The following PRKG1 variants were observed in gnomAD, a reference collection of about 807,000 sequenced individuals.
The protein encoded by PRKG1 is cGMP-dependent protein kinase 1.
PRKG1 carries 35 observed loss-of-function variants against 88.1 expected under a neutral mutation model. That is an observed-to-expected ratio of 0.40 (90% CI 0.30 to 0.53). The LOEUF is 0.53. PRKG1 is among the 20% of genes least tolerant of loss of function. The probability of loss-of-function intolerance (pLI) is 0.59; values close to 1 mark genes in which losing one functional copy is unlikely to be tolerated. For missense variants in PRKG1, 540 were observed against 839.8 expected (o/e 0.64, Z 4.41); for synonymous variants, 303 against 292.5 (o/e 1.04, Z -0.37).
At chr10:51,875,073 G>A (rs1455506771) in intron 4 of PRKG1, among the ~76,000 whole-genome samples, 1 of 152,018 alleles carries the variant, frequency 6.6e-6, no homozygotes, top group Non-Finnish European at 1.5e-5. Flanking sequence ...CTTCCACTCT[G>A]TGGAAGCCTG....
In PRKG1 at chr10:52,050,797, G is replaced by T. The variant is rs561364001; in HGVS notation, c.763-3687G>T. 2.6e-5 allele frequency among the ~76,000 whole-genome samples: 4 copies of T among 152,286 alleles called. No homozygotes were observed. The South Asian group carries it at 6.2e-4, about 24-fold the overall frequency. On this transcript the variant is annotated intron_variant, in intron 5 of 17. Transcript: ENST00000373980. ...AAGAAGATGATTAGATAAGTTTCAAGAATTAAATAGACTAGACTATATCTG... is the reference window on the plus strand; with the variant it reads ...AAGAAGATGATTAGATAAGTTTCAATAATTAAATAGACTAGACTATATCTG...
chr10:51,855,947 C>A (rs1840668964), intron 4 of PRKG1, among the ~76,000 whole-genome samples: 1 of 152,096 alleles, frequency 6.6e-6, no homozygotes, highest in Admixed American at 6.5e-5. Context: ...TCATAAAGTG[C>A]TAAAAATAAA....
At chr10:51,895,798 T>G (rs1286656950) in intron 4 of PRKG1, among the ~76,000 whole-genome samples, 2 of 151,972 alleles carry the variant, frequency 1.3e-5, no homozygotes, top group Non-Finnish European at 2.9e-5. Flanking sequence ...TCTAAGAGTG[T>G]CTGGAGTCAA....
chr10:51,865,622 G>C (rs56212834), intron 4 of PRKG1, among the ~76,000 whole-genome samples: 3,561 of 151,982 alleles, frequency 0.023, 135 homozygotes, highest in African/African-American at 0.08. Context: ...TTTCAATTAA[G>C]TCTATACATA....
intron 3 of PRKG1, among the ~76,000 whole-genome samples, chr10:51,742,021 C>T (rs763324128): frequency 1.3e-5 from 2 of 152,170 alleles, no homozygotes; most frequent in African/African-American, 2.4e-5. Context: ...TAGAAGTTTT[C>T]GCTTCTGTCT....
intron 3 of PRKG1, among the ~76,000 whole-genome samples, chr10:51,475,344 TG>T (rs1291154645): frequency 3.3e-5 from 5 of 152,086 alleles, no homozygotes; most frequent in African/African-American, 1.2e-4. Context: ...CTGTGGCCCC[TG>T]CTCTACTGAA....
rs534374553 is a variant in PRKG1 at position 51,862,627 on chromosome 10, T to C, written c.699-44880T>C. Among the ~76,000 whole-genome samples, 7 of 152,130 alleles carry C rather than the reference T, an allele frequency of 4.6e-5. 1 individual carries two copies. In the South Asian group the frequency reaches 1.5e-3, roughly 32 times the overall value. On this transcript the variant is annotated intron_variant, in intron 4 of 17. Coordinates refer to ENST00000373980, the MANE Select transcript of PRKG1 (RefSeq NM_006258.4). ...TGGATGGGCCTGGAAAAAAGCACCA[T>C]TCAATTGGCTAAAAGGCATCGAGAA...
At chr10:51,939,422 C>T (rs74132825) in intron 5 of PRKG1, among the ~76,000 whole-genome samples, 13,745 of 151,792 alleles carry the variant, frequency 0.091, 1,559 homozygotes, top group African/African-American at 0.26. Flanking sequence ...ATAAAATCCA[C>T]AATTGATTAC....
At chr10:51,216,295 A>G (rs1447419943) in intron 2 of PRKG1, among the ~76,000 whole-genome samples, 1 of 152,250 alleles carries the variant, frequency 6.6e-6, no homozygotes, top group Non-Finnish European at 1.5e-5. Flanking sequence ...AGATCTTTAC[A>G]TAAGTTATCT....
chr10:51,267,346 A>G (rs1350643707), intron 2 of PRKG1, among the ~76,000 whole-genome samples: 1 of 152,200 alleles, frequency 6.6e-6, no homozygotes, highest in Middle Eastern at 3.2e-3. Flanking sequence ...TATGCCAATT[A>G]TTATTCTTTG....
chr10:52,013,275 C>G (rs1430635988), intron 5 of PRKG1, among the ~76,000 whole-genome samples: 2 of 152,078 alleles, frequency 1.3e-5, no homozygotes, highest in African/African-American at 4.8e-5. Context: ...AAAAATTTGC[C>G]AGGCGTGGTG....
intron 5 of PRKG1, among the ~76,000 whole-genome samples, chr10:51,995,521 A>T (rs1844417788): frequency 6.6e-6 from 1 of 152,192 alleles, no homozygotes; most frequent in Non-Finnish European, 1.5e-5. Flanking sequence ...ATTCATATGG[A>T]TACTTAAATT....
At chr10:51,046,278 C>A (rs139371751) in intron 1 of PRKG1, among the ~76,000 whole-genome samples, 86 of 152,252 alleles carry the variant, frequency 5.6e-4, no homozygotes, top group African/African-American at 1.8e-3. Context: ...TTTGAGAGAC[C>A]TCTGTATGTG....
intron 2 of PRKG1, among the ~76,000 whole-genome samples, chr10:51,372,568 T>C (rs1168825447): frequency 6.6e-6 from 1 of 152,160 alleles, no homozygotes; most frequent in East Asian, 1.9e-4. Flanking sequence ...GTGGACTGCC[T>C]TTTCTCGTTT....
At chr10:51,640,471 G>T (rs965674520) in intron 3 of PRKG1, among the ~76,000 whole-genome samples, 2 of 152,152 alleles carry the variant, frequency 1.3e-5, no homozygotes, top group African/African-American at 4.8e-5. Context: ...AATGTTAATT[G>T]ACTGGAGTAG....
intron 8 of PRKG1, among the ~76,000 whole-genome samples, chr10:52,146,400 CAGAT>C (rs1231520765): frequency 6.6e-6 from 1 of 152,092 alleles, no homozygotes; most frequent in African/African-American, 2.4e-5. Context: ...CACATACACA[CAGAT>C]AGAGATATTA....
At chr10:51,378,763 C>G (rs529417412) in intron 2 of PRKG1, among the ~76,000 whole-genome samples, 2 of 151,324 alleles carry the variant, frequency 1.3e-5, no homozygotes, top group Non-Finnish European at 2.9e-5. Flanking sequence ...TCAATTTTCT[C>G]ATCTGAAAAA....
chr10:52,174,900 G>A (rs929430462), intron 9 of PRKG1, among the ~76,000 whole-genome samples: 19 of 151,774 alleles, frequency 1.3e-4, no homozygotes, highest in African/African-American at 3.9e-4. Flanking sequence ...TCATATGTAC[G>A]GGGTATATAA....
chr10:51,812,497 A>G (rs1335824782), intron 4 of PRKG1, among the ~76,000 whole-genome samples: 2 of 152,134 alleles, frequency 1.3e-5, no homozygotes, highest in Non-Finnish European at 2.9e-5. Context: ...TCGATTTGCT[A>G]AGTGTACTTC....
Sources: gnomAD v4.1 joint callset for allele counts (sites outside exome capture counted in the v4.1 genomes callset) on GRCh38, gnomAD v4.1.1 for gene constraint, MANE v1.5 for transcripts, NCBI Gene and HGNC (gene_info 2026-07-23, HGNC 2026-07-21) for gene names.